Variants in CBX5 observed in about 807,000 individuals in gnomAD.
CBX5 encodes the protein chromobox 5.
Under a neutral mutation model 20.7 loss-of-function variants are expected in CBX5, and 7 were observed. The ratio of observed to expected loss-of-function variants is 0.34; its 90% CI spans 0.19 to 0.63. CBX5 has a LOEUF of 0.63. Among genes scored for constraint, CBX5 ranks in the 30% least tolerant of loss-of-function variants. CBX5 has a pLI of 0.75. For synonymous variants in CBX5, 78 were observed against 77.0 expected, an observed-to-expected ratio of 1.01 and a Z score of -0.07; for missense variants, 110 against 224.1, an observed-to-expected ratio of 0.49 and a Z score of 3.25.
At chr12:54,245,493 C>A (rs1943724537) in intron 4 of CBX5, among the ~76,000 whole-genome samples, 1 of 151,810 alleles carries the variant, frequency 6.6e-6, no homozygotes, top group Admixed American at 6.6e-5. Flanking sequence ...CCCGACTCTA[C>A]TAAAAATACA....
At chr12:54,258,109 A>G (rs552160967) in intron 1 of CBX5, 2 of 153,580 alleles carry the variant, frequency 1.3e-5, no homozygotes, top group South Asian at 4.1e-4. Context: ...TAAAAATGAA[A>G]AAAGAAAAGC....
At chr12:54,279,630 C>G (rs1387318242) in intron 1 of CBX5, among the ~76,000 whole-genome samples, 1 of 152,168 alleles carries the variant, frequency 6.6e-6, no homozygotes. Flanking sequence ...ATCCCGCATT[C>G]CCCATTGGAG....
Position 54,233,242 on chromosome 12 carries a change from C to T in CBX5, c.*8513G>A, listed in dbSNP as rs922462418. Reference sequence around the variant, plus strand: ...AATCATATAGACTCTTGAATTCTTTCCTCCTGTGAGAGATGTAACTCTTTA... The same window carrying T: ...AATCATATAGACTCTTGAATTCTTTTCTCCTGTGAGAGATGTAACTCTTTA... On this transcript the variant is annotated 3_prime_UTR_variant, in exon 5 of 5. Coordinates refer to ENST00000209875, the MANE Select transcript of CBX5 (RefSeq NM_012117.3). 1.3e-5 allele frequency: 2 copies of T among 152,192 alleles called. No individual in the cohort carries two copies. The highest frequency in any genetic ancestry group is 2.9e-5 in the Non-Finnish European group (2 of 68,032). The allele number at this position is 152,192 out of a possible 1,614,324, so 9.4% of individuals were successfully genotyped here. A position where few individuals can be genotyped will look rare whatever the true frequency, so the allele number is the denominator to read the frequency against.
chr12:54,266,673 T>C (rs1486685145), intron 1 of CBX5, among the ~76,000 whole-genome samples: 4 of 152,250 alleles, frequency 2.6e-5, no homozygotes, highest in African/African-American at 9.6e-5. Context: ...TACAAATGAA[T>C]GTGGGCTACA....
intron 2 of CBX5, among the ~76,000 whole-genome samples, chr12:54,255,376 G>C (rs1943852667): frequency 6.6e-6 from 1 of 152,016 alleles, no homozygotes; most frequent in Non-Finnish European, 1.5e-5. Context: ...TGGCCAACAT[G>C]GTGAAATGCT....
chr12:54,246,594 A>G (rs1441065778), intron 3 of CBX5, among the ~76,000 whole-genome samples: 1 of 152,064 alleles, frequency 6.6e-6, no homozygotes, highest in Non-Finnish European at 1.5e-5. Flanking sequence ...AGCCTGGCCA[A>G]CATGGTGAAA....
chr12:54,271,057 A>AT (rs546538259), intron 1 of CBX5, among the ~76,000 whole-genome samples: 1 of 152,120 alleles, frequency 6.6e-6, no homozygotes, highest in Non-Finnish European at 1.5e-5. Flanking sequence ...CCCCGTTTAA[A>AT]TTTTTTTAAA....
chr12:54,262,250 C>A (rs549099955), intron 1 of CBX5, among the ~76,000 whole-genome samples: 1 of 152,098 alleles, frequency 6.6e-6, no homozygotes, highest in Non-Finnish European at 1.5e-5. Context: ...TTTGGTGAAA[C>A]CTTTCAGAGA....
At chr12:54,269,418 T>C (rs1410205404) in intron 1 of CBX5, among the ~76,000 whole-genome samples, 3 of 152,058 alleles carry the variant, frequency 2.0e-5, no homozygotes, top group African/African-American at 7.2e-5. Flanking sequence ...GAGACAGAGA[T>C]TGCTCTGTTG....
chr12:54,244,915 A>T (rs1592154465), intron 4 of CBX5, among the ~76,000 whole-genome samples: 1 of 152,066 alleles, frequency 6.6e-6, no homozygotes, highest in East Asian at 1.9e-4. Context: ...GCCTCATTTG[A>T]TTCCTAGCCC....
At chr12:54,259,788 C>T (rs573571002) in intron 1 of CBX5, among the ~76,000 whole-genome samples, 1 of 152,350 alleles carries the variant, frequency 6.6e-6, no homozygotes, top group Admixed American at 6.5e-5. Flanking sequence ...GCATTCAGAG[C>T]TTAAGGGAAT....
At chr12:54,275,391 G>A (rs1294980058) in intron 1 of CBX5, among the ~76,000 whole-genome samples, 1 of 151,914 alleles carries the variant, frequency 6.6e-6, no homozygotes, top group Non-Finnish European at 1.5e-5. Flanking sequence ...ACAGGCGTGT[G>A]CCACCACGCC....
intron 1 of CBX5, chr12:54,259,600 C>A (rs772130818): frequency 3.3e-5 from 5 of 152,814 alleles, no homozygotes; most frequent in Non-Finnish European, 7.3e-5. Flanking sequence ...GCTCCCCTGC[C>A]CCCACCCAGC....
At chr12:54,249,712 C>A (rs1262107523) in intron 3 of CBX5, among the ~76,000 whole-genome samples, 1 of 152,076 alleles carries the variant, frequency 6.6e-6, no homozygotes, top group Non-Finnish European at 1.5e-5. Context: ...TATGCGCCCA[C>A]ACACAGATGA....
At chr12:54,272,957 T>C (rs778974757) in intron 1 of CBX5, 1 of 152,256 alleles carries the variant, frequency 6.6e-6, no homozygotes, top group East Asian at 1.9e-4. Flanking sequence ...GAACCCAGGT[T>C]TCTGAGCCTT....
Position 54,235,249 on chromosome 12 carries a change from C to A in CBX5, c.*6506G>T, listed in dbSNP as rs1166044149. Reference sequence around the variant, plus strand: ...TACGCTTCGATGATTAAATCTGAGACTCAGATTTAATATACAAGGTATATG... The same window carrying A: ...TACGCTTCGATGATTAAATCTGAGAATCAGATTTAATATACAAGGTATATG... On this transcript the variant is annotated 3_prime_UTR_variant, in exon 5 of 5. Transcript: ENST00000209875. 1 of 152,202 alleles carries A rather than the reference C, an allele frequency of 6.6e-6. No homozygotes were observed. The highest frequency in any genetic ancestry group is 1.5e-5 in the Non-Finnish European group (1 of 68,020). 9.4% of individuals were successfully genotyped at this position (152,202 alleles called of 1,614,324 possible). A position where few individuals can be genotyped will look rare whatever the true frequency, so the allele number is the denominator to read the frequency against.
chr12:54,274,960 A>G (rs1944047153), intron 1 of CBX5, among the ~76,000 whole-genome samples: 1 of 152,096 alleles, frequency 6.6e-6, no homozygotes, highest in Non-Finnish European at 1.5e-5. Flanking sequence ...AAATCTCAAT[A>G]GAAACAAAAA....
Position 54,231,294 on chromosome 12 carries a change from A to T in CBX5, c.*10461T>A, listed in dbSNP as rs1943566074. On this transcript the variant is annotated 3_prime_UTR_variant, in exon 5 of 5. Transcript: ENST00000209875. ...ATTTGGGACAGTACAGAGTGCTGAAAGAAACCCAGCTCTTGAGTCTCTTAG... is the reference window on the plus strand; with the variant it reads ...ATTTGGGACAGTACAGAGTGCTGAATGAAACCCAGCTCTTGAGTCTCTTAG... 1 of 154,442 alleles carries T rather than the reference A, an allele frequency of 6.5e-6. No homozygotes were observed. Among genetic ancestry groups the T allele is most frequent in the African/African-American group, 2.4e-5 (1 of 41,520 alleles). The allele number at this position is 154,442 out of a possible 1,614,324, so 9.6% of individuals were successfully genotyped here.
At chr12:54,270,427 C>A (rs1370141920) in intron 1 of CBX5, among the ~76,000 whole-genome samples, 2 of 152,210 alleles carry the variant, frequency 1.3e-5, no homozygotes, top group East Asian at 3.9e-4. Context: ...TGGCAAACCA[C>A]CACTCCTGGA....
Sources: allele counts gnomAD v4.1 joint callset (sites outside exome capture counted in the v4.1 genomes callset), GRCh38; gene constraint gnomAD v4.1.1; transcripts MANE v1.5; gene names NCBI Gene and HGNC (gene_info 2026-07-23, HGNC 2026-07-21).